The following GPATCH2 variants were observed in gnomAD, a reference collection of about 807,000 sequenced individuals.
GPATCH2 encodes G patch domain-containing protein 2.
In GPATCH2, 51 loss-of-function variants were observed where a neutral mutation model predicts 58.0. The ratio of observed to expected loss-of-function variants is 0.88; its 90% CI spans 0.70 to 1.11. The LOEUF is 1.11. Among genes scored for constraint, GPATCH2 ranks in the 50% most tolerant of loss-of-function variants. The pLI, the probability that GPATCH2 is intolerant of heterozygous loss-of-function variation, is 0.00. For missense variants in GPATCH2, 625 were observed against 652.2 expected, an observed-to-expected ratio of 0.96 and a Z score of 0.45; for synonymous variants, 222 against 218.5, an observed-to-expected ratio of 1.02 and a Z score of -0.14.
chr1:217,523,877 T>A (rs1223645092), intron 5 of GPATCH2, among the ~76,000 whole-genome samples: 4 of 116,904 alleles, frequency 3.4e-5, no homozygotes, highest in Admixed American at 8.4e-5. Context: ...CCCTCCCGGA[T>A]GGGGCGGCTG....
chr1:217,553,090 C>A lies in GPATCH2; in HGVS notation c.1099-38201G>T, dbSNP rs547047573. Among the ~76,000 whole-genome samples, 34 of 151,782 alleles carry A rather than the reference C, an allele frequency of 2.2e-4. No homozygotes were observed. The South Asian group carries it at 7.1e-3, about 32-fold the overall frequency. On this transcript the variant is annotated intron_variant, in intron 5 of 9. Transcript: ENST00000366935. ...GTTCATTTTTCTTAAGGGGAAACACCAAATCTAGAATGTTAAAAAATAGTT... is the reference window on the plus strand; with the variant it reads ...GTTCATTTTTCTTAAGGGGAAACACAAAATCTAGAATGTTAAAAAATAGTT...
chr1:217,441,610 T>C (rs1180865428), intron 9 of GPATCH2, among the ~76,000 whole-genome samples: 2 of 152,150 alleles, frequency 1.3e-5, no homozygotes, highest in Non-Finnish European at 2.9e-5. Flanking sequence ...AAAGGGCTAA[T>C]AACCAGAATC....
chr1:217,610,473 C>A, intron 4 of GPATCH2, 73 bp from the exon 5 acceptor site: 3 of 854,088 alleles, frequency 3.5e-6, no homozygotes, highest in Non-Finnish European at 1.9e-6. Flanking sequence ...AGGATCCTAT[C>A]AATAGAGAAA....
At chr1:217,454,937 T>C (rs972255207) in intron 8 of GPATCH2, among the ~76,000 whole-genome samples, 5 of 152,138 alleles carry the variant, frequency 3.3e-5, no homozygotes, top group Admixed American at 2.6e-4. Context: ...CAAATCCTTG[T>C]TTTTAATGGT....
intron 9 of GPATCH2, among the ~76,000 whole-genome samples, chr1:217,435,938 CTT>C (rs1171631058): frequency 1.3e-5 from 2 of 152,084 alleles, no homozygotes; most frequent in African/African-American, 2.4e-5. Flanking sequence ...CTTCATGATA[CTT>C]TTGTTAATTA....
At chr1:217,493,458 C>T (rs1019953699) in intron 7 of GPATCH2, among the ~76,000 whole-genome samples, 1 of 152,078 alleles carries the variant, frequency 6.6e-6, no homozygotes, top group Non-Finnish European at 1.5e-5. Context: ...ATGCAATTTG[C>T]CTATATCTTC....
At chr1:217,623,981 T>C (rs1045767914) in intron 1 of GPATCH2, among the ~76,000 whole-genome samples, 1 of 152,184 alleles carries the variant, frequency 6.6e-6, no homozygotes, top group African/African-American at 2.4e-5. Flanking sequence ...ATTTATTCCA[T>C]GATGTCACTC....
At chr1:217,466,529 A>G (rs1418511679) in intron 8 of GPATCH2, among the ~76,000 whole-genome samples, 1 of 152,064 alleles carries the variant, frequency 6.6e-6, no homozygotes, top group African/African-American at 2.4e-5. Context: ...CTGGCTAAAA[A>G]TGGATGACAA....
At chr1:217,489,985 A>G (rs1442931878) in intron 8 of GPATCH2, among the ~76,000 whole-genome samples, 1 of 152,272 alleles carries the variant, frequency 6.6e-6, no homozygotes, top group Non-Finnish European at 1.5e-5. Context: ...AAACATTTTA[A>G]TCAGTATATT....
intron 8 of GPATCH2, among the ~76,000 whole-genome samples, chr1:217,468,050 T>A (rs528591685): frequency 6.6e-6 from 1 of 152,336 alleles, no homozygotes; most frequent in South Asian, 2.1e-4. Flanking sequence ...TAGGAACCAA[T>A]TCATTTTGAA....
chr1:217,503,147 A>G (rs1414732221), intron 6 of GPATCH2, among the ~76,000 whole-genome samples: 2 of 152,164 alleles, frequency 1.3e-5, no homozygotes, highest in Non-Finnish European at 2.9e-5. Context: ...AGACAGTGGT[A>G]CCACTGAGGC....
At chr1:217,448,369 G>T (rs914446076) in intron 9 of GPATCH2, among the ~76,000 whole-genome samples, 3 of 151,828 alleles carry the variant, frequency 2.0e-5, no homozygotes, top group Admixed American at 1.3e-4. Flanking sequence ...ATTATTCTTT[G>T]TATCTACACT....
At chr1:217,475,356 T>C (rs912062893) in intron 8 of GPATCH2, among the ~76,000 whole-genome samples, 1 of 152,084 alleles carries the variant, frequency 6.6e-6, no homozygotes, top group African/African-American at 2.4e-5. Context: ...GGAGAATTGC[T>C]TGAGCCTGGG....
intron 5 of GPATCH2, among the ~76,000 whole-genome samples, chr1:217,596,444 C>T (rs1233781123): frequency 6.6e-6 from 1 of 152,108 alleles, no homozygotes. Flanking sequence ...CCCTCAGTTT[C>T]CTGGTCTATA....
intron 5 of GPATCH2, among the ~76,000 whole-genome samples, chr1:217,577,950 T>C (rs1666885569): frequency 6.6e-6 from 1 of 151,722 alleles, no homozygotes; most frequent in Non-Finnish European, 1.5e-5. Flanking sequence ...TTTCTCCATG[T>C]TGGTCAGGCT....
chr1:217,508,604 A>G (rs1429662448), intron 6 of GPATCH2, among the ~76,000 whole-genome samples: 2 of 152,202 alleles, frequency 1.3e-5, no homozygotes, highest in African/African-American at 4.8e-5. Flanking sequence ...ACATAAATGG[A>G]GGCCAAATTA....
chr1:217,465,782 T>C (rs1057221881), intron 8 of GPATCH2, among the ~76,000 whole-genome samples: 1 of 152,138 alleles, frequency 6.6e-6, no homozygotes, highest in Non-Finnish European at 1.5e-5. Flanking sequence ...CAGACTAATA[T>C]ATAAAACAAT....
intron 5 of GPATCH2, among the ~76,000 whole-genome samples, chr1:217,593,228 G>T (rs1223663255): frequency 2.0e-5 from 3 of 152,092 alleles, no homozygotes; most frequent in African/African-American, 7.2e-5. Flanking sequence ...CATAGCAGAA[G>T]TGGCACAAAT....
At chr1:217,511,767 G>C (rs1662862214) in intron 6 of GPATCH2, among the ~76,000 whole-genome samples, 1 of 152,076 alleles carries the variant, frequency 6.6e-6, no homozygotes, top group Admixed American at 6.6e-5. Flanking sequence ...AAAGCAGATA[G>C]GCAGGTCAGT....
Sources: gnomAD v4.1 joint callset for allele counts (sites outside exome capture counted in the v4.1 genomes callset) on GRCh38, gnomAD v4.1.1 for gene constraint, MANE v1.5 for transcripts, NCBI Gene and HGNC (gene_info 2026-07-23, HGNC 2026-07-21) for gene names.